NNT: variants seen among roughly 807,000 people sequenced by gnomAD.
NNT encodes the protein NAD(P) transhydrogenase, mitochondrial.
In NNT, 50 loss-of-function variants were observed where a neutral mutation model predicts 104.8. That is an observed-to-expected ratio of 0.48 (90% CI 0.38 to 0.60). NNT has a LOEUF of 0.60. Ranked by LOEUF, NNT falls within the 20% of genes least tolerant of loss-of-function variation. The pLI, the probability that NNT is intolerant of heterozygous loss-of-function variation, is 0.00. For synonymous variants in NNT, 461 were observed against 490.4 expected, an observed-to-expected ratio of 0.94 and a Z score of 0.79; for missense variants, 1,131 against 1,330.7, an observed-to-expected ratio of 0.85 and a Z score of 2.33.
chr5:43,698,512 A>G (rs1253553581), intron 19 of NNT, among the ~76,000 whole-genome samples: 1 of 152,002 alleles, frequency 6.6e-6, no homozygotes, highest in African/African-American at 2.4e-5. Flanking sequence ...TGGGCAAATA[A>G]TTATCTTATT....
chr5:43,700,279 A>G (rs1348343697), intron 20 of NNT, 42 bp downstream of exon 20: 35 of 1,427,342 alleles, frequency 2.5e-5, no homozygotes, highest in Non-Finnish European at 3.4e-5. Flanking sequence ...TATTCTTACT[A>G]TGAATAAAGC....
intron 1 of NNT, among the ~76,000 whole-genome samples, chr5:43,608,216 A>G (rs1027510882): frequency 1.3e-5 from 2 of 152,246 alleles, no homozygotes; most frequent in Non-Finnish European, 2.9e-5. Context: ...GGCATAAGCC[A>G]CTGCGCCTGG....
chr5:43,698,802 A>G (rs1204647777), intron 19 of NNT, among the ~76,000 whole-genome samples: 1 of 151,690 alleles, frequency 6.6e-6, no homozygotes, highest in Non-Finnish European at 1.5e-5. Flanking sequence ...ATATTACTAT[A>G]TGAATATATA....
chr5:43,655,033 G>A (rs1257023187), intron 14 of NNT, among the ~76,000 whole-genome samples: 1 of 152,162 alleles, frequency 6.6e-6, no homozygotes. Flanking sequence ...GGTATTTACT[G>A]CCCAGATTTT....
At chr5:43,659,415 ATTTCT>A (rs1342391715) in intron 17 of NNT, 65 bp downstream of exon 17, 39 of 1,286,098 alleles carry the variant, frequency 3.0e-5, no homozygotes, top group Non-Finnish European at 4.2e-5. Context: ...TGTGCATGTC[ATTTCT>A]TTTATTACCC....
intron 7 of NNT, among the ~76,000 whole-genome samples, chr5:43,642,167 C>A (rs1292068123): frequency 5.3e-5 from 8 of 152,118 alleles, no homozygotes; most frequent in Admixed American, 1.3e-4. Context: ...AAAAGCTGTG[C>A]TAAACAACAG....
rs571569459 is a variant in NNT, at chr5:43,608,272, A to G, written c.-53-871A>G. On this transcript the variant is annotated intron_variant, in intron 1 of 21. Transcript: ENST00000344920. ...AAAGAAGAGAAAGGTATGGAGGATC[A>G]TTGGGAATTATGGGGACAGTGGGAG... 2.0e-5 allele frequency among the ~76,000 whole-genome samples: 3 copies of G among 152,308 alleles called. No individual in the cohort carries two copies. The South Asian group carries it at 6.2e-4, about 32-fold the overall frequency.
chr5:43,695,480 C>T (rs1011577149), intron 19 of NNT, among the ~76,000 whole-genome samples: 2 of 152,116 alleles, frequency 1.3e-5, no homozygotes, highest in Non-Finnish European at 2.9e-5. Context: ...TCTTACTGTG[C>T]CTTATGCATC....
intron 17 of NNT, among the ~76,000 whole-genome samples, chr5:43,671,206 C>A (rs958454310): frequency 6.6e-6 from 1 of 152,152 alleles, no homozygotes; most frequent in African/African-American, 2.4e-5. Context: ...CTTGTGAATA[C>A]AGCACACTGA....
chr5:43,639,942 G>A (rs1037151163), intron 7 of NNT, among the ~76,000 whole-genome samples: 1 of 151,810 alleles, frequency 6.6e-6, no homozygotes, highest in African/African-American at 2.4e-5. Context: ...AAGCGGGCTG[G>A]TTTAGGAAAT....
chr5:43,617,315 G>T (rs1749842739), intron 4 of NNT, among the ~76,000 whole-genome samples: 1 of 152,218 alleles, frequency 6.6e-6, no homozygotes, highest in South Asian at 2.1e-4. Context: ...AATCCAGTAA[G>T]AGCTGAGTAG....
intron 19 of NNT, among the ~76,000 whole-genome samples, chr5:43,699,240 C>T (rs1742723213): frequency 6.6e-6 from 1 of 151,918 alleles, no homozygotes; most frequent in Non-Finnish European, 1.5e-5. Context: ...GTTTTAGATG[C>T]TCCTGTGTGT....
In NNT at chr5:43,612,279, G is replaced by T. The variant is rs111507389; in HGVS notation, c.152-629G>T. On this transcript the variant is annotated intron_variant, in intron 2 of 21. Transcript: ENST00000344920. Reference sequence around the variant, plus strand: ...CCAACATAGAGCGTCCTTGGACAGAGTTCCTGTCTAAGTCATCTTATAAGG... The same window carrying T: ...CCAACATAGAGCGTCCTTGGACAGATTTCCTGTCTAAGTCATCTTATAAGG... Among the ~76,000 whole-genome samples the T allele has an allele frequency of 4.8e-3, 728 of 152,330 alleles. 5 individuals are homozygous for T. The highest frequency in any genetic ancestry group is 0.016 in the African/African-American group (654 of 41,560).
intron 19 of NNT, 34 bp from the exon 20 acceptor site, chr5:43,700,085 A>C (rs780991150): frequency 1.3e-6 from 2 of 1,555,012 alleles, no homozygotes; most frequent in Non-Finnish European, 1.8e-6. Context: ...TGTCCTGTCA[A>C]GTAAGGCCAG....
chr5:43,665,442 G>C (rs1219373820), intron 17 of NNT, among the ~76,000 whole-genome samples: 3 of 151,796 alleles, frequency 2.0e-5, no homozygotes, highest in Non-Finnish European at 4.4e-5. Context: ...GACTCTTAAC[G>C]AGCATGCTGC....
chr5:43,699,700 G>T (rs1742749898), intron 19 of NNT, among the ~76,000 whole-genome samples: 1 of 152,136 alleles, frequency 6.6e-6, no homozygotes, highest in Non-Finnish European at 1.5e-5. Context: ...TGTGAAGTCA[G>T]CTTTTGATAG....
intron 16 of NNT, 76 bp from the exon 17 acceptor site, chr5:43,659,095 A>C: frequency 7.2e-7 from 1 of 1,382,442 alleles, no homozygotes; most frequent in Non-Finnish European, 9.8e-7. Context: ...AGAATAATTA[A>C]GGAGCAAAAT....
At chr5:43,671,723 C>T (rs923294860) in intron 17 of NNT, among the ~76,000 whole-genome samples, 8 of 152,040 alleles carry the variant, frequency 5.3e-5, no homozygotes, top group African/African-American at 1.9e-4. Flanking sequence ...AACATTTTTT[C>T]CTTCATTTCA....
intron 19 of NNT, among the ~76,000 whole-genome samples, chr5:43,685,941 AG>A (rs1354409856): frequency 6.6e-6 from 1 of 152,160 alleles, no homozygotes; most frequent in Non-Finnish European, 1.5e-5. Context: ...ATTATAAAAG[AG>A]GCTTTTAAAA....
Sources: gnomAD v4.1 joint callset for allele counts (sites outside exome capture counted in the v4.1 genomes callset) on GRCh38, gnomAD v4.1.1 for gene constraint, MANE v1.5 for transcripts, NCBI Gene and HGNC (gene_info 2026-07-23, HGNC 2026-07-21) for gene names.